The following GARRE1 variants were observed in gnomAD, a reference collection of about 807,000 sequenced individuals.
The protein encoded by GARRE1 is granule associated Rac and RHOG effector 1.
Under a neutral mutation model 103.2 loss-of-function variants are expected in GARRE1, and 49 were observed. The ratio of observed to expected loss-of-function variants is 0.47; its 90% CI spans 0.38 to 0.60. The LOEUF is 0.60. GARRE1 is among the 20% of genes least tolerant of loss of function. The pLI, the probability that GARRE1 is intolerant of heterozygous loss-of-function variation, is 0.00. For synonymous variants in GARRE1, 505 were observed against 532.8 expected (o/e 0.95, Z 0.72); for missense variants, 1,199 against 1,370.5 (o/e 0.87, Z 1.98).
In GARRE1 at chr19:34,288,287, T is replaced by A. The variant is rs575102376; in HGVS notation, c.-795-11392T>A. Among the ~76,000 whole-genome samples the A allele has an allele frequency of 1.2e-3, 185 of 152,298 alleles. 2 individuals carry two copies. The highest frequency in any genetic ancestry group is 0.01 in the Middle Eastern group (3 of 294). The stretch of plus-strand genomic sequence containing the variant: ...CAAAACTGAATGGAAACTGTGGTGT[T>A]TGGGAAGTGTGTTTGACTAAAGTTT... On this transcript the variant is annotated intron_variant, in intron 1 of 13. Transcript: ENST00000299505.
intron 2 of GARRE1, among the ~76,000 whole-genome samples, chr19:34,312,481 A>G (rs2074041611): frequency 6.6e-6 from 1 of 152,178 alleles, no homozygotes; most frequent in Non-Finnish European, 1.5e-5. Context: ...CTGGCAACGA[A>G]CATTCTTTCT....
At chr19:34,299,159 C>A (rs1289072190) in intron 1 of GARRE1, among the ~76,000 whole-genome samples, 2 of 152,176 alleles carry the variant, frequency 1.3e-5, no homozygotes, top group African/African-American at 4.8e-5. Context: ...CCTTGTGAGT[C>A]CCACCTGTCC....
In GARRE1 at chr19:34,333,685, T is replaced by TG. The variant is rs1039589897; in HGVS notation, c.1264-19_1264-18insG. The TG allele has an allele frequency of 7.1e-6, 9 of 1,263,148 alleles. No individual in the cohort carries two copies. Among genetic ancestry groups the TG allele is most frequent in the Admixed American group, 4.3e-5 (2 of 47,040 alleles). 78.2% of individuals were successfully genotyped at this position (1,263,148 alleles called of 1,614,324 possible). On this transcript the variant is annotated intron_variant, in intron 7 of 13. Coordinates refer to ENST00000299505, the MANE Select transcript of GARRE1 (RefSeq NM_014686.5). ...AAAGCTGGTTGTTATTTGTTTTTTT[T>TG]TTTTTTTTTCGATCTTAGGTGGTGG...
intron 10 of GARRE1, among the ~76,000 whole-genome samples, chr19:34,347,608 G>C (rs1243679535): frequency 6.6e-6 from 1 of 152,060 alleles, no homozygotes; most frequent in African/African-American, 2.4e-5. Flanking sequence ...CTCTCTTTTT[G>C]TTTCTTTCAC....
At position 34,270,873 on chromosome 19, in the gene GARRE1, G is replaced by A. The variant is rs138301016; in HGVS notation, c.-796+16259G>A. 3.5e-3 allele frequency among the ~76,000 whole-genome samples: 529 copies of A among 152,272 alleles called. 5 individuals are homozygous for A. The highest frequency in any genetic ancestry group is 0.012 in the African/African-American group (505 of 41,538). On this transcript the variant is annotated intron_variant, in intron 1 of 13. Coordinates refer to ENST00000299505, the MANE Select transcript of GARRE1 (RefSeq NM_014686.5). ...GACATTTTGGGGTAGATAATTCTTT[G>A]TAGGGGCTGTCTTGTGCATTATGGG...
chr19:34,326,126 A>G (rs1453374527), intron 3 of GARRE1, among the ~76,000 whole-genome samples: 2 of 152,262 alleles, frequency 1.3e-5, no homozygotes. Context: ...TGTGAGCTAA[A>G]TATTTGACTG....
chr19:34,329,691 CTGGG>C (rs911814652), intron 6 of GARRE1, among the ~76,000 whole-genome samples: 4 of 152,086 alleles, frequency 2.6e-5, no homozygotes, highest in Admixed American at 1.3e-4. Flanking sequence ...CAAAAATTAG[CTGGG>C]TATAGTGGCA....
chr19:34,307,528 A>T (rs931772003), intron 2 of GARRE1, among the ~76,000 whole-genome samples: 19 of 149,086 alleles, frequency 1.3e-4, no homozygotes, highest in East Asian at 3.9e-4. Context: ...TATACGTATT[A>T]TATATATATA....
intron 13 of GARRE1, among the ~76,000 whole-genome samples, chr19:34,351,989 C>T (rs2074239728): frequency 2.0e-5 from 3 of 151,610 alleles, no homozygotes; most frequent in African/African-American, 7.3e-5. Context: ...TCCTAGCTGC[C>T]CAGGAGGCTG....
chr19:34,331,719 C>T (rs559689302), intron 7 of GARRE1, among the ~76,000 whole-genome samples: 5 of 152,192 alleles, frequency 3.3e-5, no homozygotes, highest in African/African-American at 9.6e-5. Context: ...GGTGGCAGGG[C>T]GTGGTGGCTC....
intron 3 of GARRE1, among the ~76,000 whole-genome samples, chr19:34,324,310 C>T (rs1423859623): frequency 6.6e-6 from 1 of 152,144 alleles, no homozygotes; most frequent in Non-Finnish European, 1.5e-5. Flanking sequence ...ATTTTTACTG[C>T]ACCTTGTGGC....
chr19:34,264,110 C>G (rs2073736700), intron 1 of GARRE1, among the ~76,000 whole-genome samples: 1 of 152,182 alleles, frequency 6.6e-6, no homozygotes, highest in African/African-American at 2.4e-5. Flanking sequence ...TGTGTCCAGC[C>G]TCTGTCTCTG....
At chr19:34,328,469 C>T (rs2074122634) in intron 6 of GARRE1, among the ~76,000 whole-genome samples, 1 of 147,538 alleles carries the variant, frequency 6.8e-6, no homozygotes. Context: ...GTGGAGATGG[C>T]AGTGAGCTGA....
chr19:34,304,606 G>T (rs1433011477), intron 2 of GARRE1, among the ~76,000 whole-genome samples: 1 of 151,622 alleles, frequency 6.6e-6, no homozygotes, highest in African/African-American at 2.4e-5. Flanking sequence ...TCAAACTCCT[G>T]ACCTCAAGTG....
chr19:34,273,380 C>T (rs1000541600), intron 1 of GARRE1, among the ~76,000 whole-genome samples: 4 of 152,076 alleles, frequency 2.6e-5, no homozygotes, highest in African/African-American at 4.8e-5. Flanking sequence ...CTTATGTGGA[C>T]GTGGCATGTC....
intron 1 of GARRE1, among the ~76,000 whole-genome samples, chr19:34,275,215 TC>T (rs2073810156): frequency 6.6e-6 from 1 of 151,830 alleles, no homozygotes; most frequent in African/African-American, 2.4e-5. Flanking sequence ...GAATGATTCA[TC>T]TTTATATTTT....
intron 10 of GARRE1, among the ~76,000 whole-genome samples, 198 bp downstream of exon 10, chr19:34,342,653 C>T (rs1292582413): frequency 2.6e-5 from 4 of 152,098 alleles, no homozygotes; most frequent in African/African-American, 7.2e-5. Context: ...GGGCTGAGAA[C>T]ATGAGTGGAC....
At chr19:34,326,912 C>T (rs926845426) in intron 3 of GARRE1, among the ~76,000 whole-genome samples, 2 of 151,874 alleles carry the variant, frequency 1.3e-5, no homozygotes, top group Non-Finnish European at 1.5e-5. Flanking sequence ...CCCAGCACTT[C>T]GGGAGGCCGA....
At position 34,330,199 on chromosome 19, in the gene GARRE1, T is replaced by TA. The variant is rs1356494021; in HGVS notation, c.1116dup (p.Gln373ThrfsTer10). The stretch of plus-strand genomic sequence containing the variant: ...CTTATCAATCTATAGCATACAATGT[T>TA]ACAGCTGATGAAGGAGGCAGGCTGC... On this transcript the variant is annotated frameshift_variant, in exon 7 of 14. Coordinates refer to ENST00000299505, the MANE Select transcript of GARRE1 (RefSeq NM_014686.5). LOFTEE classifies it high-confidence loss of function. 1 of 1,614,028 alleles carries TA rather than the reference T, an allele frequency of 6.2e-7. No individual in the cohort carries two copies. Among genetic ancestry groups the TA allele is most frequent in the South Asian group, 1.1e-5 (1 of 91,024 alleles).
Sources: gnomAD v4.1 joint callset for allele counts (sites outside exome capture counted in the v4.1 genomes callset) on GRCh38, gnomAD v4.1.1 for gene constraint, MANE v1.5 for transcripts, NCBI Gene and HGNC (gene_info 2026-07-23, HGNC 2026-07-21) for gene names.